Variants in POP5 observed in about 807,000 individuals in gnomAD.
POP5 encodes POP5 ribonuclease P/MRP subunit, also known as ribonuclease P/MRP protein subunit POP5.
A neutral mutation model predicts 20.7 loss-of-function variants in POP5; 18 were observed. The observed-to-expected ratio is 0.87, with a 90% confidence interval of 0.60 to 1.29. POP5 has a LOEUF of 1.29. POP5 is among the 50% of genes most tolerant of loss of function. POP5 has a pLI of 0.00. For missense variants in POP5, 200 were observed against 203.2 expected, an observed-to-expected ratio of 0.98 and a Z score of 0.10; for synonymous variants, 91 against 78.0, an observed-to-expected ratio of 1.17 and a Z score of -0.88.
intron 2 of POP5, 76 bp from the exon 3 acceptor site, chr12:120,579,999 T>G (rs1219199508): frequency 4.9e-6 from 7 of 1,441,224 alleles, no homozygotes; most frequent in African/African-American, 2.8e-5. Flanking sequence ...CCCAGCACTT[T>G]GGGAGGCTGA....
rs781228227 is a variant in POP5 at position 120,581,390 on chromosome 12, G to T, written c.-28C>A. 4 of 1,604,568 alleles carry T rather than the reference G, an allele frequency of 2.5e-6. No homozygotes were observed. The highest frequency in any genetic ancestry group is 2.7e-5 in the African/African-American group (2 of 74,902). On this transcript the variant is annotated 5_prime_UTR_variant, in exon 1 of 5. Coordinates refer to ENST00000357500, the MANE Select transcript of POP5 (RefSeq NM_015918.4). Reference sequence around the variant, plus strand: ...CTGCCTCCGCGCTCTCCGGTCCGGCGTGCAAACCGGATGTGAATTCTGTCC... The same window carrying T: ...CTGCCTCCGCGCTCTCCGGTCCGGCTTGCAAACCGGATGTGAATTCTGTCC...
At chr12:120,580,906 G>C (rs1877828796) in intron 2 of POP5, 5 of 690,818 alleles carry the variant, frequency 7.2e-6, no homozygotes, top group Non-Finnish European at 1.2e-5. Flanking sequence ...GAGGCTTCTA[G>C]CTCAAAGCCC....
At chr12:120,580,927 G>C in intron 2 of POP5, 188 bp downstream of exon 2, 1 of 858,782 alleles carries the variant, frequency 1.2e-6, no homozygotes. Context: ...CACTGCCTTC[G>C]GGCCCCTCCT....
At position 120,579,554 on chromosome 12, in the gene POP5, C is replaced by A; in HGVS notation, c.357G>T (p.Arg119Ser). Reference sequence around the variant, plus strand: ...TCTGCAACAAGATCAACAGCTGTCTCCTGTTGTACTGAATTAGGAACTTCT... The same window carrying A: ...TCTGCAACAAGATCAACAGCTGTCTACTGTTGTACTGAATTAGGAACTTCT... ...TCQKFLIQYN[R>S]RQLLILLQNC... The change falls in exon 4 of 5, where the codon AGG (arginine) becomes AGT (serine). Residue 119 changes from arginine to serine, a missense_variant. Coordinates refer to ENST00000357500, the MANE Select transcript of POP5 (RefSeq NM_015918.4). 1 of 1,614,172 alleles carries A rather than the reference C, an allele frequency of 6.2e-7. No individual in the cohort carries two copies. The highest frequency in any genetic ancestry group is 2.2e-5 in the East Asian group (1 of 44,890).
At position 120,581,172 on chromosome 12, in the gene POP5, T is replaced by C. The variant is rs1877846006; in HGVS notation, c.106A>G (p.Thr36Ala). Residue 36 changes from threonine (T) to alanine (A), a missense_variant, in exon 2 of 5, where the codon ACG (threonine) becomes GCG (alanine). Coordinates refer to ENST00000357500, the MANE Select transcript of POP5 (RefSeq NM_015918.4). ...DRVLSSLVRD[T>A]IARVHGTFGA... is the part of the protein sequence containing the mutation. Reference sequence around the variant, plus strand: ...AAAGTTCCGTGCACCCTGGCGATCGTGTCCCGTACGAGGCTGCTCAGAACT... The same window carrying C: ...AAAGTTCCGTGCACCCTGGCGATCGCGTCCCGTACGAGGCTGCTCAGAACT... 6.2e-7 allele frequency: 1 copy of C among 1,613,840 alleles called. No homozygotes were observed. Among genetic ancestry groups the C allele is most frequent in the Non-Finnish European group, 8.5e-7 (1 of 1,180,042 alleles).
At chr12:120,579,688 C>G (rs1428391162) in intron 3 of POP5, 86 bp downstream of exon 3, 2 of 1,549,148 alleles carry the variant, frequency 1.3e-6, no homozygotes, top group Non-Finnish European at 1.8e-6. Flanking sequence ...GTTAGCGGGA[C>G]AGCAGCAAGA....
Position 120,581,105 on chromosome 12 carries a change from G to A in POP5, c.163+10C>T, listed in dbSNP as rs752528640. 6.2e-6 allele frequency: 10 copies of A among 1,608,246 alleles called. No homozygotes were observed. The highest frequency in any genetic ancestry group is 3.3e-5 in the South Asian group (3 of 91,008). On this transcript the variant is annotated intron_variant, in intron 2 of 4. Transcript: ENST00000357500. Reference sequence around the variant, plus strand: ...TCCCGGGTTCCCCTCTTCCCCCAGCGCCCTTGCACCCGCGAAGCCGATGGA... The same window carrying A: ...TCCCGGGTTCCCCTCTTCCCCCAGCACCCTTGCACCCGCGAAGCCGATGGA...
At position 120,578,788 on chromosome 12, in the gene POP5, G is replaced by A. The variant is rs755669808; in HGVS notation, c.*530C>T. The A allele has an allele frequency of 4.4e-4, 68 of 156,206 alleles. No individual in the cohort carries two copies. The highest frequency in any genetic ancestry group is 8.1e-4 in the Non-Finnish European group (57 of 70,582). The allele number at this position is 156,206 out of a possible 1,614,324, so 9.7% of individuals were successfully genotyped here. On this transcript the variant is annotated 3_prime_UTR_variant, in exon 5 of 5. Coordinates refer to ENST00000357500, the MANE Select transcript of POP5 (RefSeq NM_015918.4). The stretch of plus-strand genomic sequence containing the variant: ...ACAAAAATTAGCCAGACGTGGTGGT[G>A]CACGTCTGTAATCCCAGTTACTTGG...
chr12:120,579,802 TG>T lies in POP5; in HGVS notation c.284del (p.Pro95HisfsTer13). ...CCACATGTAATGTGTTGAAAAAGCA[TG>T]GGTAACGGTGTCCTTTGTTCTCCAA... ...TYLENKGHRY[P>X]CFFNTLHVGG... On this transcript the variant is annotated frameshift_variant, in exon 3 of 5. Transcript: ENST00000357500. LOFTEE classifies it high-confidence loss of function. 1 of 1,608,438 alleles carries T rather than the reference TG, an allele frequency of 6.2e-7. No homozygotes were observed. The highest frequency in any genetic ancestry group is 1.1e-5 in the South Asian group (1 of 90,948).
intron 2 of POP5, chr12:120,580,154 A>G: frequency 2.3e-6 from 1 of 433,924 alleles, no homozygotes; most frequent in East Asian, 4.7e-5. Flanking sequence ...AGGCATGAGA[A>G]TCGCCTGAAC....
chr12:120,580,721 CTATT>C lies in POP5; in HGVS notation c.163+390_163+393del, dbSNP rs1340063920. 2.2e-5 allele frequency: 5 copies of C among 225,554 alleles called. No individual in the cohort carries two copies. The East Asian group carries it at 3.3e-4, about 15-fold the overall frequency. The allele number at this position is 225,554 out of a possible 1,614,324, so 14.0% of individuals were successfully genotyped here. ...AATCATGTGTTCTGTACTTTACCAACTATTTAAGGGCTTTCCCGGAGTACTTTTG... is the reference window on the plus strand; with the variant it reads ...AATCATGTGTTCTGTACTTTACCAACTAAGGGCTTTCCCGGAGTACTTTTG... On this transcript the variant is annotated intron_variant, in intron 2 of 4. Transcript: ENST00000357500.
At chr12:120,580,388 A>G (rs1464655528) in intron 2 of POP5, among the ~76,000 whole-genome samples, 1 of 152,244 alleles carries the variant, frequency 6.6e-6, no homozygotes, top group African/African-American at 2.4e-5. Flanking sequence ...GAATGAATTT[A>G]GAATTGAAAA....
Position 120,579,387 on chromosome 12 carries a change from A to C in POP5, c.423T>G (p.Ser141=). The part of the protein sequence containing the change: ...DEGEREAIQK[S]VTRSCLLEEE... ...CCTCTAATAAGCAGCTTCTTGTCACAGACTTCTGGATAGCTTCCCGCTCTC... is the reference window on the plus strand; with the variant it reads ...CCTCTAATAAGCAGCTTCTTGTCACCGACTTCTGGATAGCTTCCCGCTCTC... The change falls in exon 5 of 5, where the codon TCT becomes TCG. Residue 141 remains serine (S), a synonymous_variant. Transcript: ENST00000357500. 1 of 1,614,168 alleles carries C rather than the reference A, an allele frequency of 6.2e-7. No homozygotes were observed. The highest frequency in any genetic ancestry group is 8.5e-7 in the Non-Finnish European group (1 of 1,179,988).
At chr12:120,580,361 C>T (rs867685029) in intron 2 of POP5, among the ~76,000 whole-genome samples, 2 of 152,224 alleles carry the variant, frequency 1.3e-5, no homozygotes, top group Non-Finnish European at 2.9e-5. Flanking sequence ...CTGTGTTGCA[C>T]ACCACTCAGA....
At chr12:120,581,316 T>C (rs779145038) in intron 1 of POP5, 27 bp downstream of exon 1, 3 of 1,614,000 alleles carry the variant, frequency 1.9e-6, no homozygotes, top group Non-Finnish European at 1.7e-6. Context: ...AGCAAGGCAC[T>C]GGGAGGGTCT....
Position 120,579,251 on chromosome 12 carries a change from G to A in POP5, c.*67C>T, listed in dbSNP as rs1449966046. 7.2e-7 allele frequency: 1 copy of A among 1,391,654 alleles called. No individual in the cohort carries two copies. The highest frequency in any genetic ancestry group is 1.0e-6 in the Non-Finnish European group (1 of 978,752). The allele number at this position is 1,391,654 out of a possible 1,614,324, so 86.2% of individuals were successfully genotyped here. On this transcript the variant is annotated 3_prime_UTR_variant, in exon 5 of 5. Transcript: ENST00000357500. ...CTGTGGAAGATGCTGTTGCTACCCA[G>A]ATTGTTCTGTTCAACAAGTGGGCCT... is the stretch of plus-strand genomic sequence containing the variant.
intron 2 of POP5, chr12:120,580,886 C>T: frequency 1.7e-6 from 1 of 593,482 alleles, no homozygotes; most frequent in African/African-American, 1.9e-5. Flanking sequence ...ACCTGTCAAG[C>T]AGGTAAAAAG....
At chr12:120,580,738 CG>C (rs758387557) in intron 2 of POP5, 1 of 239,018 alleles carries the variant, frequency 4.2e-6, no homozygotes, top group Non-Finnish European at 8.3e-6. Flanking sequence ...AGGGCTTTCC[CG>C]GAGTACTTTT....
chr12:120,580,893 A>G (rs1487821930), intron 2 of POP5: 2 of 627,782 alleles, frequency 3.2e-6, no homozygotes, highest in Non-Finnish European at 5.4e-6. Flanking sequence ...AAGCAGGTAA[A>G]AAGAGGCTTC....
Sources: gnomAD v4.1 joint callset for allele counts (sites outside exome capture counted in the v4.1 genomes callset) on GRCh38, gnomAD v4.1.1 for gene constraint, MANE v1.5 for transcripts, NCBI Gene and HGNC (gene_info 2026-07-23, HGNC 2026-07-21) for gene names.